CDC73: variants seen among roughly 807,000 people sequenced by gnomAD.
CDC73 encodes the protein parafibromin.
Under a neutral mutation model 83.7 loss-of-function variants are expected in CDC73, and 21 were observed. The ratio of observed to expected loss-of-function variants is 0.25; its 90% confidence interval spans 0.18 to 0.36. CDC73 has a LOEUF of 0.36. Among genes scored for constraint, CDC73 ranks in the 10% least tolerant of loss-of-function variants. CDC73 has a pLI of 1.00. For missense variants in CDC73, 342 were observed against 653.3 expected, an observed-to-expected ratio of 0.52 and a Z score of 5.19; for synonymous variants, 224 against 212.9, an observed-to-expected ratio of 1.05 and a Z score of -0.45.
At chr1:193,241,699 C>T (rs1229888047) in intron 15 of CDC73, among the ~76,000 whole-genome samples, 2 of 152,154 alleles carry the variant, frequency 1.3e-5, no homozygotes, top group Non-Finnish European at 2.9e-5. Context: ...GGCGTGTCTT[C>T]TGCCCCTGGG....
At chr1:193,241,817 C>T (rs1402480594) in intron 15 of CDC73, among the ~76,000 whole-genome samples, 2 of 152,200 alleles carry the variant, frequency 1.3e-5, no homozygotes, top group Non-Finnish European at 2.9e-5. Context: ...CAGAGCCCAG[C>T]CAAGTTGGCC....
intron 10 of CDC73, among the ~76,000 whole-genome samples, chr1:193,156,246 A>G (rs756647670): frequency 1.3e-5 from 2 of 152,156 alleles, no homozygotes; most frequent in African/African-American, 2.4e-5. Flanking sequence ...GAACAACTTC[A>G]TTTTAACCTG....
chr1:193,172,926 T>C (rs1405098606), intron 10 of CDC73, among the ~76,000 whole-genome samples: 8 of 152,332 alleles, frequency 5.3e-5, no homozygotes, highest in Non-Finnish European at 1.2e-4. Flanking sequence ...ATTTTTTCTT[T>C]GAAATGAGTG....
chr1:193,248,149 G>A (rs1677984380), intron 15 of CDC73, among the ~76,000 whole-genome samples: 1 of 152,080 alleles, frequency 6.6e-6, no homozygotes, highest in African/African-American at 2.4e-5. Context: ...TGGGGACTTT[G>A]AGTTGCAACC....
chr1:193,247,652 A>C (rs1007305393), intron 15 of CDC73, among the ~76,000 whole-genome samples: 1 of 152,098 alleles, frequency 6.6e-6, no homozygotes, highest in Admixed American at 6.6e-5. Flanking sequence ...TAAAAGTGCT[A>C]CTCCAGTCGA....
intron 10 of CDC73, among the ~76,000 whole-genome samples, chr1:193,153,821 C>A (rs1676161404): frequency 6.6e-6 from 1 of 152,138 alleles, no homozygotes; most frequent in Non-Finnish European, 1.5e-5. Context: ...GTGAATAAGA[C>A]AGATGAGCCT....
At chr1:193,227,317 G>A (rs1449235686) in intron 13 of CDC73, among the ~76,000 whole-genome samples, 2 of 152,030 alleles carry the variant, frequency 1.3e-5, no homozygotes, top group Middle Eastern at 3.4e-3. Context: ...ATATCTGAGC[G>A]ATTGGCTTTG....
intron 10 of CDC73, among the ~76,000 whole-genome samples, chr1:193,169,729 A>G (rs1336634306): frequency 2.0e-5 from 3 of 152,188 alleles, no homozygotes; most frequent in Non-Finnish European, 2.9e-5. Flanking sequence ...ATGTATTTCC[A>G]AATGAGTTTT....
chr1:193,223,379 C>T lies in CDC73; in HGVS notation c.1155-9614C>T, dbSNP rs79762927. On this transcript the variant is annotated intron_variant, in intron 13 of 16. Transcript: ENST00000367435. ...GTCTGTTAAGCACCTGGGAGCATTA[C>T]CAATCTAGCATAACTTTAAATTAAA... Among the ~76,000 whole-genome samples, 10 of 152,090 alleles carry T rather than the reference C, an allele frequency of 6.6e-5. No individual in the cohort carries two copies. The East Asian group carries it at 1.5e-3, about 23-fold the overall frequency.
intron 6 of CDC73, among the ~76,000 whole-genome samples, chr1:193,141,358 GT>G (rs1450099817): frequency 1.3e-5 from 2 of 152,128 alleles, no homozygotes; most frequent in African/African-American, 4.8e-5. Context: ...GATTAAAGGA[GT>G]ATGTTTTTGT....
intron 13 of CDC73, among the ~76,000 whole-genome samples, chr1:193,219,384 TTACTGGATA>T: frequency 6.6e-6 from 1 of 152,138 alleles, no homozygotes. Context: ...AGCAATCTGA[TTACTGGATA>T]TATACCTAGA....
intron 2 of CDC73, 67 bp downstream of exon 2, chr1:193,125,284 G>C (rs1675545198): frequency 1.9e-6 from 2 of 1,036,952 alleles, no homozygotes; most frequent in African/African-American, 1.6e-5. Flanking sequence ...TAAGAGACAG[G>C]GTCTGGCCTT....
At position 193,250,784 on chromosome 1, in the gene CDC73, G is replaced by A; in HGVS notation, c.*72G>A. The A allele has an allele frequency of 7.8e-7, 1 of 1,275,916 alleles. No homozygotes were observed. The highest frequency in any genetic ancestry group is 1.1e-6 in the Non-Finnish European group (1 of 875,064). The allele number at this position is 1,275,916 out of a possible 1,614,324, so 79.0% of individuals were successfully genotyped here. A position where few individuals can be genotyped will look rare whatever the true frequency, so the allele number is the denominator to read the frequency against. ...AATTTATCAAGAACTTAAAAATGAA[G>A]AAGGTCACAGATTGATCTTTTATAA... On this transcript the variant is annotated 3_prime_UTR_variant, in exon 17 of 17. Coordinates refer to ENST00000367435, the MANE Select transcript of CDC73 (RefSeq NM_024529.5).
At chr1:193,203,290 A>G (rs1677122918) in intron 10 of CDC73, among the ~76,000 whole-genome samples, 1 of 152,080 alleles carries the variant, frequency 6.6e-6, no homozygotes, top group Non-Finnish European at 1.5e-5. Context: ...TCTCTTCTTT[A>G]TAAATGTGAT....
chr1:193,208,999 C>G (rs1052713793), intron 11 of CDC73, among the ~76,000 whole-genome samples: 1 of 152,066 alleles, frequency 6.6e-6, no homozygotes, highest in Non-Finnish European at 1.5e-5. Context: ...CATTTTGTTC[C>G]CTTAGTATGT....
intron 11 of CDC73, among the ~76,000 whole-genome samples, chr1:193,208,825 G>A (rs1286196493): frequency 6.6e-6 from 1 of 151,826 alleles, no homozygotes; most frequent in African/African-American, 2.4e-5. Context: ...GTTTCTTCCC[G>A]CCTATGGTAT....
chr1:193,123,457 C>G (rs1675503238), intron 1 of CDC73, among the ~76,000 whole-genome samples: 1 of 152,130 alleles, frequency 6.6e-6, no homozygotes, highest in Non-Finnish European at 1.5e-5. Context: ...GAACTCCTGA[C>G]CTCAAATAAT....
At chr1:193,215,945 G>A (rs1455380668) in intron 13 of CDC73, among the ~76,000 whole-genome samples, 3 of 151,976 alleles carry the variant, frequency 2.0e-5, no homozygotes, top group Non-Finnish European at 4.4e-5. Flanking sequence ...GGAATCCCTG[G>A]GACATAGCTA....
At chr1:193,231,602 A>G (rs1677664018) in intron 13 of CDC73, among the ~76,000 whole-genome samples, 1 of 152,196 alleles carries the variant, frequency 6.6e-6, no homozygotes, top group South Asian at 2.1e-4. Context: ...CAAATGCCAT[A>G]GGAAGCAAAT....
Sources: allele counts gnomAD v4.1 joint callset (sites outside exome capture counted in the v4.1 genomes callset), GRCh38; gene constraint gnomAD v4.1.1; transcripts MANE v1.5; gene names NCBI Gene and HGNC (gene_info 2026-07-23, HGNC 2026-07-21).